Variants in SPIDR observed in about 807,000 individuals in gnomAD.
SPIDR encodes DNA repair-scaffolding protein.
SPIDR carries 93 observed loss-of-function variants against 104.6 expected under a neutral mutation model. The observed-to-expected ratio is 0.89, with a 90% CI of 0.75 to 1.06. SPIDR has a LOEUF of 1.06. Among genes scored for constraint, SPIDR ranks in the 50% least tolerant of loss-of-function variants. The pLI is 0.00. For synonymous variants in SPIDR, 431 were observed against 416.9 expected (o/e 1.03, Z -0.41); for missense variants, 1,154 against 1,111.2 (o/e 1.04, Z -0.55).
At chr8:47,382,111 G>A (rs1246293447) in intron 5 of SPIDR, among the ~76,000 whole-genome samples, 1 of 152,130 alleles carries the variant, frequency 6.6e-6, no homozygotes, top group Admixed American at 6.5e-5. Context: ...ATACCAAAGA[G>A]GCACTGCTTC....
intron 5 of SPIDR, among the ~76,000 whole-genome samples, chr8:47,365,684 A>C (rs893993577): frequency 1.3e-5 from 2 of 152,170 alleles, no homozygotes; most frequent in Non-Finnish European, 2.9e-5. Flanking sequence ...AATTTTATTT[A>C]ATTGAAACAT....
chr8:47,414,534 A>G (rs1234223977), intron 7 of SPIDR, among the ~76,000 whole-genome samples: 1 of 152,198 alleles, frequency 6.6e-6, no homozygotes, highest in African/African-American at 2.4e-5. Flanking sequence ...GTCGATTATA[A>G]TGATTTAGCT....
intron 8 of SPIDR, among the ~76,000 whole-genome samples, chr8:47,571,877 G>A (rs1021149668): frequency 1.3e-5 from 2 of 152,170 alleles, no homozygotes; most frequent in East Asian, 3.9e-4. Context: ...ACCTATTTTC[G>A]TACCTTGGTG....
intron 5 of SPIDR, among the ~76,000 whole-genome samples, chr8:47,393,352 A>G (rs1277144271): frequency 6.6e-6 from 1 of 152,106 alleles, no homozygotes; most frequent in African/African-American, 2.4e-5. Flanking sequence ...GACTATGGAA[A>G]AGCCTTCTAG....
intron 1 of SPIDR, among the ~76,000 whole-genome samples, chr8:47,269,584 A>G (rs2034857412): frequency 2.0e-5 from 3 of 151,892 alleles, no homozygotes; most frequent in Admixed American, 2.0e-4. Context: ...AAAAAAAAAA[A>G]AGAAAGAAAA....
At chr8:47,732,415 G>T (rs1256766736) in intron 19 of SPIDR, 2 of 564,056 alleles carry the variant, frequency 3.5e-6, no homozygotes, top group Non-Finnish European at 6.3e-6. Flanking sequence ...GCGTACATGT[G>T]TGTATGTGTG....
chr8:47,468,197 C>T (rs533193134), intron 8 of SPIDR, among the ~76,000 whole-genome samples: 24 of 152,186 alleles, frequency 1.6e-4, no homozygotes, highest in African/African-American at 4.1e-4. Context: ...TTAAAGAAAT[C>T]GGAGATGACA....
At chr8:47,428,850 C>G (rs1167692706) in intron 7 of SPIDR, among the ~76,000 whole-genome samples, 1 of 152,154 alleles carries the variant, frequency 6.6e-6, no homozygotes, top group Non-Finnish European at 1.5e-5. Context: ...TTCTTATATC[C>G]CCTTTCCTCT....
intron 8 of SPIDR, among the ~76,000 whole-genome samples, chr8:47,470,577 A>G (rs1554720293): frequency 6.6e-6 from 1 of 152,108 alleles, no homozygotes; most frequent in East Asian, 1.9e-4. Context: ...ACCACGCCTG[A>G]CCATGAAGTG....
intron 16 of SPIDR, among the ~76,000 whole-genome samples, chr8:47,717,407 A>G (rs932772150): frequency 6.6e-6 from 1 of 152,158 alleles, no homozygotes; most frequent in Admixed American, 6.5e-5. Context: ...GGACCCTGTT[A>G]TTTTATGACC....
At chr8:47,570,836 T>C (rs1307442812) in intron 8 of SPIDR, among the ~76,000 whole-genome samples, 5 of 152,232 alleles carry the variant, frequency 3.3e-5, no homozygotes, top group Non-Finnish European at 5.9e-5. Flanking sequence ...CTCACGCCTA[T>C]AATCCCAGCA....
At chr8:47,733,053 T>C (rs2085526795) in intron 19 of SPIDR, among the ~76,000 whole-genome samples, 1 of 152,224 alleles carries the variant, frequency 6.6e-6, no homozygotes, top group Non-Finnish European at 1.5e-5. Context: ...TTTGCTAATA[T>C]GGTTGTTTAA....
chr8:47,360,276 T>C (rs202137621), intron 5 of SPIDR, among the ~76,000 whole-genome samples: 1 of 75,746 alleles, frequency 1.3e-5, no homozygotes, highest in Non-Finnish European at 2.8e-5. Flanking sequence ...AAAAAAGAAA[T>C]AGAGGGACTG....
chr8:47,519,208 G>A (rs771747813), intron 8 of SPIDR, among the ~76,000 whole-genome samples: 1 of 151,702 alleles, frequency 6.6e-6, no homozygotes, highest in Non-Finnish European at 1.5e-5. Flanking sequence ...GCAGTGGCGC[G>A]ATCTCAGCTC....
intron 3 of SPIDR, among the ~76,000 whole-genome samples, chr8:47,287,085 C>T (rs970602153): frequency 2.6e-5 from 4 of 152,212 alleles, no homozygotes; most frequent in South Asian, 4.1e-4. Flanking sequence ...ACAGTAGGAC[C>T]GTGATGCCCA....
At chr8:47,282,418 A>T (rs1459297763) in intron 2 of SPIDR, among the ~76,000 whole-genome samples, 1 of 152,248 alleles carries the variant, frequency 6.6e-6, no homozygotes, top group African/African-American at 2.4e-5. Context: ...AGCTACCTTC[A>T]TCAGTGATCT....
intron 8 of SPIDR, among the ~76,000 whole-genome samples, chr8:47,552,460 T>A (rs2090663720): frequency 6.6e-6 from 1 of 152,242 alleles, no homozygotes; most frequent in Non-Finnish European, 1.5e-5. Flanking sequence ...TGCTCCTGTA[T>A]TGGGTGCATA....
chr8:47,369,938 C>T (rs562602881), intron 5 of SPIDR, among the ~76,000 whole-genome samples: 155 of 152,138 alleles, frequency 1.0e-3, no homozygotes, highest in African/African-American at 3.5e-3. Flanking sequence ...GTTCCCTACC[C>T]CCCATTTTAA....
chr8:47,342,918 G>A (rs200219641), intron 5 of SPIDR, among the ~76,000 whole-genome samples: 7 of 152,174 alleles, frequency 4.6e-5, no homozygotes, highest in African/African-American at 1.2e-4. Context: ...TCTCCCAGTC[G>A]CATCTAGGGT....
Sources: gnomAD v4.1 joint callset for allele counts (sites outside exome capture counted in the v4.1 genomes callset) on GRCh38, gnomAD v4.1.1 for gene constraint, MANE v1.5 for transcripts, NCBI Gene and HGNC (gene_info 2026-07-23, HGNC 2026-07-21) for gene names.